KAT6A: variants seen among roughly 807,000 people sequenced by gnomAD.
KAT6A encodes histone acetyltransferase KAT6A.
In KAT6A, 9 loss-of-function variants were observed where a neutral mutation model predicts 198.4. That is an observed-to-expected ratio of 0.05 (90% CI 0.03 to 0.08). The LOEUF is 0.08. Among genes scored for constraint, KAT6A ranks in the 10% least tolerant of loss-of-function variants. The probability of loss-of-function intolerance (pLI) is 1.00; values close to 1 mark genes in which losing one functional copy is unlikely to be tolerated. For missense variants in KAT6A, 2,077 were observed against 2,509.9 expected (o/e 0.83, Z 3.69); for synonymous variants, 890 against 883.0 (o/e 1.01, Z -0.14).
chr8:42,034,571 T>A (rs572313546), intron 2 of KAT6A, among the ~76,000 whole-genome samples: 1 of 152,248 alleles, frequency 6.6e-6, no homozygotes, highest in Non-Finnish European at 1.5e-5. Context: ...GGAGCACTTA[T>A]GTGCTAAACA....
chr8:41,945,405 G>C (rs1036527342), intron 12 of KAT6A, among the ~76,000 whole-genome samples: 3 of 151,512 alleles, frequency 2.0e-5, no homozygotes, highest in African/African-American at 7.3e-5. Flanking sequence ...CAAGTAGCTG[G>C]GATTACAGGC....
At chr8:42,010,024 C>T (rs187703760) in intron 2 of KAT6A, among the ~76,000 whole-genome samples, 9 of 151,908 alleles carry the variant, frequency 5.9e-5, no homozygotes, top group East Asian at 1.9e-4. Context: ...ACAGGATAGT[C>T]GCAGTAGCTC....
intron 8 of KAT6A, among the ~76,000 whole-genome samples, chr8:41,965,917 C>T (rs1426020010): frequency 6.6e-6 from 1 of 152,094 alleles, no homozygotes; most frequent in African/African-American, 2.4e-5. Flanking sequence ...AAGGCATTTA[C>T]CCATTAAATA....
intron 16 of KAT6A, among the ~76,000 whole-genome samples, chr8:41,935,182 A>C (rs1236895681): frequency 1.3e-5 from 2 of 152,204 alleles, no homozygotes; most frequent in Non-Finnish European, 2.9e-5. Context: ...TTTCAGTTTC[A>C]TCATCTGTAA....
intron 2 of KAT6A, among the ~76,000 whole-genome samples, chr8:42,045,864 A>G (rs1337223696): frequency 6.6e-6 from 1 of 151,682 alleles, no homozygotes; most frequent in Non-Finnish European, 1.5e-5. Context: ...GCAAACCTAT[A>G]ATCCCAGCTA....
intron 8 of KAT6A, chr8:41,974,490 A>C (rs571943735): frequency 2.4e-5 from 9 of 379,638 alleles, no homozygotes; most frequent in Non-Finnish European, 4.2e-5. Context: ...TTTAATATTG[A>C]TAGTCAAAGC....
intron 2 of KAT6A, among the ~76,000 whole-genome samples, chr8:42,013,275 T>A (rs954527335): frequency 7.3e-6 from 1 of 136,620 alleles, no homozygotes; most frequent in African/African-American, 2.8e-5. Context: ...TTTTTTTTTT[T>A]AGATGGAGTC....
chr8:42,008,755 C>T (rs552585012), intron 2 of KAT6A, among the ~76,000 whole-genome samples: 1 of 152,152 alleles, frequency 6.6e-6, no homozygotes, highest in East Asian at 1.9e-4. Context: ...TAACCACTAG[C>T]CACATGTGAG....
At chr8:41,962,717 C>T (rs1823271103) in intron 8 of KAT6A, among the ~76,000 whole-genome samples, 1 of 152,102 alleles carries the variant, frequency 6.6e-6, no homozygotes, top group Admixed American at 6.6e-5. Context: ...AGTCAAAGTC[C>T]TTACAATGGC....
chr8:41,930,077 TAC>T lies in KAT6A; in HGVS notation c.*2126_*2127del, dbSNP rs1395020966. 4.8e-5 allele frequency: 11 copies of T among 230,994 alleles called. No homozygotes were observed. The highest frequency in any genetic ancestry group is 2.4e-4 in the African/African-American group (11 of 45,178). 14.3% of individuals were successfully genotyped at this position (230,994 alleles called of 1,614,324 possible). The stretch of plus-strand genomic sequence containing the variant: ...GAACTTTTTTTTTCTACAATAGTTC[TAC>T]AGTCACAAAGAGGCTTGTGGAAAAG... On this transcript the variant is annotated 3_prime_UTR_variant, in exon 17 of 17. Coordinates refer to ENST00000265713, the MANE Select transcript of KAT6A (RefSeq NM_006766.5).
chr8:41,995,305 A>G (rs551800467), intron 2 of KAT6A, among the ~76,000 whole-genome samples: 1 of 152,168 alleles, frequency 6.6e-6, no homozygotes, highest in Non-Finnish European at 1.5e-5. Flanking sequence ...GGCCATAACT[A>G]AGTAAGATTT....
Position 41,940,957 on chromosome 8 carries a change from T to C in KAT6A, c.2924A>G (p.Glu975Gly). The part of the protein sequence containing the change: ...GSERLPRRYS[E>G]GDRAVLRGFS... ...GCCCCTGAGGACAGCCCTGTCACCC[T>C]CACTGTAGCGACGGGGCAGCCTCTC... The change falls in exon 15 of 17, where the codon GAG (glutamate) becomes GGG (glycine). Residue 975 changes from glutamate (E) to glycine (G), a missense_variant. Glu to Gly is a moderately conservative substitution (Grantham distance 98, BLOSUM62 -2). Transcript: ENST00000265713. 1 of 1,614,204 alleles carries C rather than the reference T, an allele frequency of 6.2e-7. No individual in the cohort carries two copies. Among genetic ancestry groups the C allele is most frequent in the Non-Finnish European group, 8.5e-7 (1 of 1,180,042 alleles).
intron 14 of KAT6A, chr8:41,942,482 A>C (rs1262672174): frequency 7.5e-5 from 26 of 345,868 alleles, no homozygotes; most frequent in Non-Finnish European, 1.3e-4. Context: ...ATTTGGATTC[A>C]ATTCAGATTT....
chr8:42,011,742 G>GA (rs1368552265), intron 2 of KAT6A, among the ~76,000 whole-genome samples: 2,024 of 136,170 alleles, frequency 0.015, 37 homozygotes, highest in African/African-American at 0.041. Context: ...CTCCATCTCA[G>GA]AAAAAAAAAA....
chr8:41,956,365 C>G (rs1822918940), intron 8 of KAT6A, among the ~76,000 whole-genome samples: 1 of 152,034 alleles, frequency 6.6e-6, no homozygotes, highest in African/African-American at 2.4e-5. Context: ...TTTAGCCTAA[C>G]CAAAAACAAG....
At chr8:41,959,993 G>A (rs1025779436) in intron 8 of KAT6A, among the ~76,000 whole-genome samples, 8 of 151,792 alleles carry the variant, frequency 5.3e-5, no homozygotes, top group Admixed American at 2.6e-4. Context: ...AGGCAATTCT[G>A]ACACAGGCTA....
intron 9 of KAT6A, among the ~76,000 whole-genome samples, chr8:41,954,765 T>G (rs1334367215): frequency 6.6e-6 from 1 of 152,146 alleles, no homozygotes; most frequent in Non-Finnish European, 1.5e-5. Context: ...CAGAGCTGAG[T>G]CATGAAACCA....
intron 16 of KAT6A, among the ~76,000 whole-genome samples, chr8:41,935,216 G>C (rs944823809): frequency 6.6e-6 from 1 of 152,132 alleles, no homozygotes; most frequent in Non-Finnish European, 1.5e-5. Context: ...TTTATAAAGA[G>C]GCAAATAAGT....
At chr8:42,024,315 A>G (rs554120954) in intron 2 of KAT6A, among the ~76,000 whole-genome samples, 15 of 152,284 alleles carry the variant, frequency 9.9e-5, no homozygotes, top group African/African-American at 3.1e-4. Context: ...CCACTGTAAT[A>G]ATTTTTAATA....
Sources: gnomAD v4.1 joint callset for allele counts (sites outside exome capture counted in the v4.1 genomes callset) on GRCh38, gnomAD v4.1.1 for gene constraint, MANE v1.5 for transcripts, NCBI Gene and HGNC (gene_info 2026-07-23, HGNC 2026-07-21) for gene names.